Variants in TMEM181 observed in about 807,000 individuals in gnomAD.
TMEM181 encodes transmembrane protein 181.
In TMEM181, 39 loss-of-function variants were observed where a neutral mutation model predicts 71.9. The ratio of observed to expected loss-of-function variants is 0.54; its 90% CI spans 0.42 to 0.71. TMEM181 has a LOEUF of 0.71. Ranked by LOEUF, TMEM181 falls within the 30% of genes least tolerant of loss-of-function variation. The pLI is 0.00. For missense variants in TMEM181, 595 were observed against 583.0 expected, an observed-to-expected ratio of 1.02 and a Z score of -0.21; for synonymous variants, 245 against 228.8, an observed-to-expected ratio of 1.07 and a Z score of -0.64.
chr6:158,606,597 C>T (rs371067183), intron 7 of TMEM181, among the ~76,000 whole-genome samples: 1 of 152,216 alleles, frequency 6.6e-6, no homozygotes, highest in Non-Finnish European at 1.5e-5. Context: ...CGAAAACAAT[C>T]AACAACAAAA....
At chr6:158,576,628 A>G (rs1470748177) in intron 2 of TMEM181, among the ~76,000 whole-genome samples, 1 of 152,186 alleles carries the variant, frequency 6.6e-6, no homozygotes, top group African/African-American at 2.4e-5. Context: ...TTTAAACCTC[A>G]GGCTGATCCT....
chr6:158,630,245 C>T (rs1786584850), intron 15 of TMEM181, among the ~76,000 whole-genome samples: 2 of 152,096 alleles, frequency 1.3e-5, no homozygotes, highest in South Asian at 2.1e-4. Context: ...CCTTTGATCC[C>T]AGCACTTCTG....
At chr6:158,593,310 A>G (rs1186706832) in intron 6 of TMEM181, among the ~76,000 whole-genome samples, 1 of 152,234 alleles carries the variant, frequency 6.6e-6, no homozygotes, top group Non-Finnish European at 1.5e-5. Flanking sequence ...GTGAATTAGA[A>G]GTGTTTCTAT....
chr6:158,591,891 A>C (rs1015269068), intron 6 of TMEM181, among the ~76,000 whole-genome samples: 12 of 152,108 alleles, frequency 7.9e-5, no homozygotes, highest in African/African-American at 1.9e-4. Context: ...TTCCTGAAGA[A>C]TTTGGTACAT....
intron 10 of TMEM181, 66 bp downstream of exon 10, chr6:158,608,816 G>A: frequency 6.7e-7 from 1 of 1,497,422 alleles, no homozygotes; most frequent in Non-Finnish European, 9.2e-7. Flanking sequence ...GGAAAGGCCA[G>A]GCCAGGCGTA....
intron 3 of TMEM181, among the ~76,000 whole-genome samples, chr6:158,581,571 G>T (rs1027023271): frequency 1.3e-5 from 2 of 151,958 alleles, no homozygotes; most frequent in Admixed American, 6.6e-5. Flanking sequence ...GGCTAACATG[G>T]TGAAACCCCA....
chr6:158,591,443 T>C (rs1249155014), intron 6 of TMEM181, among the ~76,000 whole-genome samples: 1 of 152,058 alleles, frequency 6.6e-6, no homozygotes, highest in African/African-American at 2.4e-5. Context: ...TCAGCCAGCC[T>C]TTCCAGATCT....
At chr6:158,554,242 C>T (rs560373049) in intron 1 of TMEM181, among the ~76,000 whole-genome samples, 7 of 152,254 alleles carry the variant, frequency 4.6e-5, no homozygotes, top group South Asian at 2.1e-4. Flanking sequence ...CCTGCCACCA[C>T]GCCCGGCTAA....
At chr6:158,540,260 C>G (rs1029473425) in intron 1 of TMEM181, among the ~76,000 whole-genome samples, 1 of 152,220 alleles carries the variant, frequency 6.6e-6, no homozygotes, top group Non-Finnish European at 1.5e-5. Flanking sequence ...TGTTCACGCA[C>G]TGCGGATGGG....
intron 10 of TMEM181, among the ~76,000 whole-genome samples, chr6:158,617,462 TG>T (rs1340351555): frequency 2.9e-5 from 4 of 138,194 alleles, no homozygotes; most frequent in Admixed American, 2.3e-4. Context: ...GGGTTTTTTT[TG>T]TGTCTCTATC....
intron 5 of TMEM181, among the ~76,000 whole-genome samples, chr6:158,587,986 A>G (rs1275677084): frequency 6.6e-6 from 1 of 152,206 alleles, no homozygotes; most frequent in Non-Finnish European, 1.5e-5. Context: ...GCCTTTGCGC[A>G]TCATCCTGTG....
At chr6:158,573,108 T>C (rs9457406) in intron 1 of TMEM181, among the ~76,000 whole-genome samples, 60,051 of 152,034 alleles carry the variant, frequency 0.39, 12,278 homozygotes, top group Middle Eastern at 0.52. Flanking sequence ...CAGTGACCCC[T>C]GGGGGGCCTA....
At chr6:158,539,435 A>T (rs1382339632) in intron 1 of TMEM181, among the ~76,000 whole-genome samples, 2 of 152,136 alleles carry the variant, frequency 1.3e-5, no homozygotes, top group Non-Finnish European at 2.9e-5. Context: ...GGAAGGTGAA[A>T]TTGCTACTGT....
In TMEM181 at chr6:158,633,055, C is replaced by T. The variant is rs571354739; in HGVS notation, c.*1167C>T. ...CTGCACTCCAGCCTGGGTGTCAGAG[C>T]GAGAACCCGTGTCATAAATAAATAA... On this transcript the variant is annotated 3_prime_UTR_variant, in exon 17 of 17. Transcript: ENST00000684151. 5 of 152,100 alleles carry T rather than the reference C, an allele frequency of 3.3e-5. No individual in the cohort carries two copies. Among genetic ancestry groups the T allele is most frequent in the African/African-American group, 7.2e-5 (3 of 41,476 alleles). The allele number at this position is 152,100 out of a possible 1,614,324, so 9.4% of individuals were successfully genotyped here.
intron 6 of TMEM181, among the ~76,000 whole-genome samples, chr6:158,593,276 A>G (rs569415007): frequency 1.1e-4 from 16 of 152,348 alleles, no homozygotes; most frequent in Admixed American, 9.8e-4. Context: ...AACTATATAT[A>G]CTGATTTAAG....
intron 1 of TMEM181, among the ~76,000 whole-genome samples, chr6:158,561,589 G>A (rs1283109524): frequency 6.6e-6 from 1 of 152,328 alleles, no homozygotes; most frequent in South Asian, 2.1e-4. Flanking sequence ...GGGACGTGAG[G>A]TGGTGAGGGC....
intron 1 of TMEM181, among the ~76,000 whole-genome samples, chr6:158,563,332 C>G (rs1782294318): frequency 6.6e-6 from 1 of 151,850 alleles, no homozygotes; most frequent in Admixed American, 6.6e-5. Context: ...TTAGTAGAGT[C>G]AGGGTTTCAC....
In TMEM181 at chr6:158,591,805, A is replaced by G. The variant is rs369872728; in HGVS notation, c.492+2023A>G. Among the ~76,000 whole-genome samples, 35 of 152,090 alleles carry G rather than the reference A, an allele frequency of 2.3e-4. 1 individual carries two copies. In the East Asian group the frequency reaches 2.3e-3, roughly 10 times the overall value. ...CTGTAGTTCATCCTGACCCTGTTCTATGGGTGTGGGCCGCTGTTTTGTCTT... is the reference window on the plus strand; with the variant it reads ...CTGTAGTTCATCCTGACCCTGTTCTGTGGGTGTGGGCCGCTGTTTTGTCTT... On this transcript the variant is annotated intron_variant, in intron 6 of 16. Transcript: ENST00000684151.
chr6:158,536,826 A>G lies in TMEM181; in HGVS notation c.92A>G (p.Lys31Arg), dbSNP rs1397750255. 2 of 1,551,650 alleles carry G rather than the reference A, an allele frequency of 1.3e-6. No homozygotes were observed. The highest frequency in any genetic ancestry group is 3.6e-5 in the Admixed American group (2 of 55,890). Residue 31 changes from lysine (K) to arginine (R), a missense_variant, in exon 1 of 17, where the codon AAG (lysine) becomes AGG (arginine). Coordinates refer to the TMEM181 transcript ENST00000367090. ...CTGCGGGAAGCGTACCGCGAGCTCA[A>G]GGAGGACCTCACGCCCTTCAAGGAT...
Sources: gnomAD v4.1 joint callset for allele counts (sites outside exome capture counted in the v4.1 genomes callset) on GRCh38, gnomAD v4.1.1 for gene constraint, MANE v1.5 for transcripts, NCBI Gene and HGNC (gene_info 2026-07-23, HGNC 2026-07-21) for gene names.